IQCH: variants seen among roughly 807,000 people sequenced by gnomAD.
The protein encoded by IQCH is IQ domain-containing protein H.
A neutral mutation model predicts 117.0 loss-of-function variants in IQCH; 98 were observed. The observed-to-expected ratio is 0.84, with a 90% CI of 0.71 to 0.99. IQCH has a LOEUF of 0.99. Ranked by LOEUF, IQCH falls within the 50% of genes least tolerant of loss-of-function variation. IQCH has a pLI of 0.00. For missense variants in IQCH, 1,102 were observed against 1,243.8 expected (o/e 0.89, Z 1.72); for synonymous variants, 412 against 448.2 (o/e 0.92, Z 1.02).
At chr15:67,420,202 T>C (rs2140915913) in intron 15 of IQCH, among the ~76,000 whole-genome samples, 1 of 152,360 alleles carries the variant, frequency 6.6e-6, no homozygotes, top group South Asian at 2.1e-4. Flanking sequence ...ACTTGGTGTT[T>C]GTTAGGACTA....
chr15:67,332,006 C>T (rs184000538), intron 4 of IQCH, among the ~76,000 whole-genome samples: 29 of 152,266 alleles, frequency 1.9e-4, no homozygotes, highest in African/African-American at 7.0e-4. Context: ...TCAGCTAAAA[C>T]TCAGGATGTC....
In IQCH at chr15:67,275,010, G is replaced by A. The variant is rs187484710; in HGVS notation, c.270-4385G>A. On this transcript the variant is annotated intron_variant, in intron 3 of 20. Coordinates refer to ENST00000335894, the MANE Select transcript of IQCH (RefSeq NM_001031715.3). ...CCAAGGGTTTGTGCCAAGGGGACCT[G>A]TGGAACATACTTTCTACAGCATGGT... is the stretch of plus-strand genomic sequence containing the variant. Among the ~76,000 whole-genome samples the A allele has an allele frequency of 3.4e-3, 521 of 152,290 alleles. 16 individuals are homozygous for A. The highest frequency in any genetic ancestry group is 3.3e-3 in the South Asian group (16 of 4,826).
At position 67,372,365 on chromosome 15, in the gene IQCH, A is replaced by G. The variant is rs376464496; in HGVS notation, c.1008A>G (p.Lys336=). 1.9e-5 allele frequency: 31 copies of G among 1,614,150 alleles called. No individual in the cohort carries two copies. In the African/African-American group the frequency reaches 4.0e-4, roughly 21 times the overall value. Reference sequence around the variant, plus strand: ...TTCCAGAGTTTGAGCTGACGAATAAACTTACCAGATATGACCTTCTCTCAG... The same window carrying G: ...TTCCAGAGTTTGAGCTGACGAATAAGCTTACCAGATATGACCTTCTCTCAG... ...ALLPEFELTN[K]LTRYDLLSVL... The change falls in exon 9 of 21, where the codon AAA becomes AAG. Residue 336 remains lysine (K), a synonymous_variant. Coordinates refer to ENST00000335894, the MANE Select transcript of IQCH (RefSeq NM_001031715.3).
At chr15:67,271,290 G>A (rs1330640344) in intron 3 of IQCH, among the ~76,000 whole-genome samples, 1 of 152,180 alleles carries the variant, frequency 6.6e-6, no homozygotes, top group Non-Finnish European at 1.5e-5. Flanking sequence ...TCTTTTAAAT[G>A]TATTGTTGAA....
intron 4 of IQCH, among the ~76,000 whole-genome samples, chr15:67,298,074 C>T (rs1039508127): frequency 1.3e-5 from 2 of 151,940 alleles, no homozygotes; most frequent in Non-Finnish European, 2.9e-5. Flanking sequence ...TTTGGGAGGC[C>T]GAGGCGGGTG....
At chr15:67,325,466 A>G (rs560312386) in intron 4 of IQCH, among the ~76,000 whole-genome samples, 1 of 152,274 alleles carries the variant, frequency 6.6e-6, no homozygotes, top group African/African-American at 2.4e-5. Context: ...TATAGCATTA[A>G]TAATACAGAG....
At chr15:67,310,796 G>A (rs1171656951) in intron 4 of IQCH, among the ~76,000 whole-genome samples, 1 of 152,118 alleles carries the variant, frequency 6.6e-6, no homozygotes, top group Non-Finnish European at 1.5e-5. Context: ...GAAGCATAAT[G>A]TCAAAATTTG....
In IQCH at chr15:67,471,325, A is replaced by T. The variant is rs77668072; in HGVS notation, c.2677-4371A>T. Among the ~76,000 whole-genome samples the T allele has an allele frequency of 7.8e-3, 1,186 of 152,332 alleles. 13 individuals carry two copies. Among genetic ancestry groups the T allele is most frequent in the African/African-American group, 0.025 (1,053 of 41,576 alleles). ...TTCTTTTTTGATCCTTATCAAACCT[A>T]CATAAATTGTACAGCATCAGAAGAG... On this transcript the variant is annotated intron_variant, in intron 17 of 20. Transcript: ENST00000335894.
At position 67,387,378 on chromosome 15, in the gene IQCH, C is replaced by G. The variant is rs1279634525; in HGVS notation, c.1457-1453C>G. On this transcript the variant is annotated intron_variant, in intron 11 of 20. Transcript: ENST00000335894. The surrounding 1 kb of genome is among the most constrained non-coding windows in gnomAD (Gnocchi z 4.8). The stretch of plus-strand genomic sequence containing the variant: ...AAGACCTTCCCAACTTTGCGAATCT[C>G]TCCATCATCCCTTCAGTCAGTCCAG... Among the ~76,000 whole-genome samples, 1 of 152,142 alleles carries G rather than the reference C, an allele frequency of 6.6e-6. No individual in the cohort carries two copies. The highest frequency in any genetic ancestry group is 6.6e-5 in the Admixed American group (1 of 15,260).
chr15:67,385,836 T>C lies in IQCH; in HGVS notation c.1456+817T>C, dbSNP rs1971091701. 6.6e-6 allele frequency among the ~76,000 whole-genome samples: 1 copy of C among 152,206 alleles called. No individual in the cohort carries two copies. Among genetic ancestry groups the C allele is most frequent in the Non-Finnish European group, 1.5e-5 (1 of 68,036 alleles). The stretch of plus-strand genomic sequence containing the variant: ...TAAGAACTTCTTTGCTTTGTTAAAA[T>C]ACAATTTCTTTGGCCCTTATTTAAG... On this transcript the variant is annotated intron_variant, in intron 11 of 20. Transcript: ENST00000335894. This position sits in a 1 kb window ranked among gnomAD's most constrained non-coding sequence, Gnocchi z 4.6.
chr15:67,437,702 A>G (rs975932879), intron 16 of IQCH, among the ~76,000 whole-genome samples: 1 of 152,218 alleles, frequency 6.6e-6, no homozygotes, highest in Non-Finnish European at 1.5e-5. Flanking sequence ...TAAAGAAAAA[A>G]CAATCAAGAA....
In IQCH at chr15:67,500,719, T is replaced by TA; in HGVS notation, c.3062dup (p.Asn1021LysfsTer4). On this transcript the variant is annotated frameshift_variant, in exon 21 of 21. Coordinates refer to ENST00000335894, the MANE Select transcript of IQCH (RefSeq NM_001031715.3). LOFTEE classifies it low-confidence loss of function (END_TRUNC). This position sits in a 1 kb window ranked among gnomAD's most constrained non-coding sequence, Gnocchi z 4.4. ...AAGAGGAGCAACAGTCCAAAGATGA[T>TA]AAAAACCTCTCTAAACCCAAGAAAT... 6.3e-7 allele frequency: 1 copy of TA among 1,593,608 alleles called. No homozygotes were observed. The highest frequency in any genetic ancestry group is 8.6e-7 in the Non-Finnish European group (1 of 1,164,494).
At chr15:67,441,659 G>A (rs1397598466) in intron 16 of IQCH, among the ~76,000 whole-genome samples, 2 of 152,138 alleles carry the variant, frequency 1.3e-5, no homozygotes, top group African/African-American at 4.8e-5. Context: ...TTCAACAAAT[G>A]GTGCTGGGAT....
At position 67,413,101 on chromosome 15, in the gene IQCH, C is replaced by G. The variant is rs201294930; in HGVS notation, c.2098-3830C>G. 8.2e-5 allele frequency among the ~76,000 whole-genome samples: 11 copies of G among 134,526 alleles called. No homozygotes were observed. The highest frequency in any genetic ancestry group is 2.2e-4 in the East Asian group (1 of 4,572). The allele number at this position is 134,526 out of a possible 152,430, so 88.3% of individuals were successfully genotyped here. ...TGTGTGTGTGTGTGTGTGTGTGTGT[C>G]TGTGTGTACATAAGTTTGTTTTGAA... On this transcript the variant is annotated intron_variant, in intron 14 of 20. Transcript: ENST00000335894. This position sits in a 1 kb window ranked among gnomAD's most constrained non-coding sequence, Gnocchi z 5.0.
At chr15:67,277,759 T>A (rs911495992) in intron 3 of IQCH, among the ~76,000 whole-genome samples, 5 of 152,016 alleles carry the variant, frequency 3.3e-5, no homozygotes, top group Admixed American at 6.6e-5. Flanking sequence ...GGTCTCGATC[T>A]CCTGACCTCA....
chr15:67,413,070 G>GGTGTGTGTGT lies in IQCH; in HGVS notation c.2098-3840_2098-3831dup, dbSNP rs35806920. On this transcript the variant is annotated intron_variant, in intron 14 of 20. Transcript: ENST00000335894. This position sits in a 1 kb window ranked among gnomAD's most constrained non-coding sequence, Gnocchi z 5.0. ...ATTGGAGTGTTTGTCTGTTATGGAA[G>GGTGTGTGTGT]GTGTGTGTGTGTGTGTGTGTGTGTG... Among the ~76,000 whole-genome samples the GGTGTGTGTGT allele has an allele frequency of 6.7e-4, 99 of 147,960 alleles. No homozygotes were observed. The highest frequency in any genetic ancestry group is 2.3e-3 in the African/African-American group (92 of 40,528).
rs377486889 is a variant in IQCH at position 67,371,462 on chromosome 15, A to C, written c.754-649A>C. ...CCTAATCCACCTGGGACAGCCCCAG[A>C]TATGTTCCTAAGAAGAAACCAGACT... On this transcript the variant is annotated intron_variant, in intron 8 of 20. Coordinates refer to ENST00000335894, the MANE Select transcript of IQCH (RefSeq NM_001031715.3). 2.8e-5 allele frequency: 44 copies of C among 1,562,002 alleles called. No individual in the cohort carries two copies. The African/African-American group carries it at 5.8e-4, about 21-fold the overall frequency.
intron 4 of IQCH, among the ~76,000 whole-genome samples, chr15:67,312,266 AG>A (rs1213012179): frequency 6.6e-6 from 1 of 152,132 alleles, no homozygotes; most frequent in Admixed American, 6.6e-5. Flanking sequence ...TTTAGGGTAC[AG>A]GGGTCTATGG....
Position 67,337,033 on chromosome 15 carries a change from C to A in IQCH, c.446C>A (p.Ser149Tyr). Reference sequence around the variant, plus strand: ...ATATCCAGCCTCACGGTTCTGCCATCTTCTCATTGCACAGATCCCTATTTC... The same window carrying A: ...ATATCCAGCCTCACGGTTCTGCCATATTCTCATTGCACAGATCCCTATTTC... ...SNISSLTVLP[S>Y]SHCTDPYFTP... Residue 149 changes from serine (S) to tyrosine (Y), a missense_variant, in exon 5 of 21, where the codon TCT becomes TAT. Ser to Tyr is a moderately radical substitution (Grantham distance 144, BLOSUM62 -2). This residue lies in a region of IQCH where 452 missense variants were observed against 449.6 expected (regional missense o/e 1.01). Transcript: ENST00000335894. 4 of 1,613,550 alleles carry A rather than the reference C, an allele frequency of 2.5e-6. No individual in the cohort carries two copies. Among genetic ancestry groups the A allele is most frequent in the Non-Finnish European group, 3.4e-6 (4 of 1,179,600 alleles).
Sources: allele counts gnomAD v4.1 joint callset (sites outside exome capture counted in the v4.1 genomes callset), GRCh38; gene constraint gnomAD v4.1.1; regional missense constraint gnomAD v4.1.1; non-coding constraint Gnocchi (gnomAD v3.1); transcripts MANE v1.5; gene names NCBI Gene and HGNC (gene_info 2026-07-23, HGNC 2026-07-21).